The following PIWIL1 variants were observed in gnomAD, a reference collection of about 807,000 sequenced individuals.
The protein encoded by PIWIL1 is piwi like RNA-mediated gene silencing 1, also known as piwi-like protein 1.
A neutral mutation model predicts 114.4 loss-of-function variants in PIWIL1; 73 were observed. The ratio of observed to expected loss-of-function variants is 0.64; its 90% CI spans 0.53 to 0.78. The LOEUF (loss-of-function observed/expected upper bound fraction) is 0.78. PIWIL1 is among the 30% of genes least tolerant of loss of function. The pLI is 0.00. For missense variants in PIWIL1, 723 were observed against 1,063.1 expected (o/e 0.68, Z 4.45); for synonymous variants, 375 against 369.0 (o/e 1.02, Z -0.19).
chr12:130,357,336 A>G (rs950609481), intron 13 of PIWIL1, 145 bp from the exon 14 acceptor site: 1 of 687,874 alleles, frequency 1.5e-6, no homozygotes, highest in Non-Finnish European at 2.4e-6. Context: ...TGTATTAGAA[A>G]CAGCCCTTGG....
At chr12:130,370,572 C>G (rs2073791765) in intron 19 of PIWIL1, among the ~76,000 whole-genome samples, 2 of 152,150 alleles carry the variant, frequency 1.3e-5, no homozygotes, top group African/African-American at 4.8e-5. Flanking sequence ...GGTCCTGGAA[C>G]CAATTCCCAA....
the PIWIL1 span, among the ~76,000 whole-genome samples, chr12:130,422,805 G>A: frequency 1.3e-5 from 2 of 152,166 alleles, no homozygotes; most frequent in East Asian, 3.9e-4. The surrounding 1 kb of genome is among the most constrained non-coding windows in gnomAD (Gnocchi z 5.2). Context: ...TTGTGGGGGG[G>A]TCTCTTTTGG....
rs2073824063 is a variant in PIWIL1 at position 130,371,853 on chromosome 12, G to A, written c.*255G>A. ...ATTTTTTTGTTTATTTTGAAGAAAT[G>A]TGGATAAGATACTTGGTAGTATAAA... is the stretch of plus-strand genomic sequence containing the variant. On this transcript the variant is annotated 3_prime_UTR_variant, in exon 21 of 21. Transcript: ENST00000245255. 3.9e-6 allele frequency: 1 copy of A among 255,604 alleles called. No individual in the cohort carries two copies. The highest frequency in any genetic ancestry group is 7.4e-6 in the Non-Finnish European group (1 of 134,460). 15.8% of individuals were successfully genotyped at this position (255,604 alleles called of 1,614,324 possible).
intron 11 of PIWIL1, among the ~76,000 whole-genome samples, chr12:130,355,334 T>C (rs566910874): frequency 7.2e-4 from 110 of 152,320 alleles, no homozygotes; most frequent in Non-Finnish European, 1.4e-3. Context: ...GGGAGAAAGT[T>C]TGGGCATCAG....
At chr12:130,416,669 G>A in the PIWIL1 span, among the ~76,000 whole-genome samples, 1 of 152,252 alleles carries the variant, frequency 6.6e-6, no homozygotes, top group Non-Finnish European at 1.5e-5. Context: ...CCTTGGCAAA[G>A]AATTATGACT....
intron 7 of PIWIL1, among the ~76,000 whole-genome samples, chr12:130,348,796 G>A (rs1450690502): frequency 6.6e-6 from 1 of 152,140 alleles, no homozygotes; most frequent in Non-Finnish European, 1.5e-5. Flanking sequence ...AGCTACTCGG[G>A]AGGCTGAGGC....
intron 9 of PIWIL1, among the ~76,000 whole-genome samples, chr12:130,354,073 C>G (rs1233600613): frequency 2.6e-5 from 4 of 152,030 alleles, no homozygotes; most frequent in African/African-American, 7.2e-5. Context: ...AAAACTTTTT[C>G]TGATTAAACC....
rs2073557572 is a variant in PIWIL1, at chr12:130,363,028, G to T, written c.2079G>T (p.Met693Ile). Residue 693 changes from methionine to isoleucine, a missense_variant, in exon 18 of 21, where the codon ATG (methionine) becomes ATT (isoleucine). Transcript: ENST00000245255. ...LRAWNSCNEY[M>I]PSRIIVYRDG... ...CTTGGAATAGCTGCAATGAGTACAT[G>T]CCCAGCCGGATCATCGTGTACCGCG... 1 of 1,614,238 alleles carries T rather than the reference G, an allele frequency of 6.2e-7. No homozygotes were observed. The highest frequency in any genetic ancestry group is 8.5e-7 in the Non-Finnish European group (1 of 1,180,044).
chr12:130,352,481 C>G (rs1041347460), intron 9 of PIWIL1, among the ~76,000 whole-genome samples: 10 of 152,040 alleles, frequency 6.6e-5, no homozygotes, highest in Admixed American at 6.5e-4. Flanking sequence ...GAGTTTGAGA[C>G]CAGCCTGACC....
At chr12:130,422,020 T>A in the PIWIL1 span, among the ~76,000 whole-genome samples, 3 of 152,166 alleles carry the variant, frequency 2.0e-5, no homozygotes, top group African/African-American at 7.2e-5. The surrounding 1 kb of genome is among the most constrained non-coding windows in gnomAD (Gnocchi z 5.2). Context: ...CCCCCAGGAT[T>A]TAGCTCTGCT....
chr12:130,389,346 AGG>A, the PIWIL1 span, among the ~76,000 whole-genome samples: 6 of 152,014 alleles, frequency 3.9e-5, no homozygotes, highest in South Asian at 6.2e-4. Flanking sequence ...ATTTTTTGGA[AGG>A]GTTTATATAA....
the PIWIL1 span, among the ~76,000 whole-genome samples, chr12:130,392,880 G>A: frequency 0.012 from 76 of 6,284 alleles, no homozygotes; most frequent in East Asian, 0.016. Context: ...TACCTGGTGA[G>A]TATTGAATGT....
the PIWIL1 span, among the ~76,000 whole-genome samples, chr12:130,408,314 G>A: frequency 6.6e-6 from 1 of 152,186 alleles, no homozygotes; most frequent in African/African-American, 2.4e-5. Context: ...CAAAACTAAG[G>A]CACTGTCCTC....
the PIWIL1 span, among the ~76,000 whole-genome samples, chr12:130,391,244 A>C: frequency 6.6e-6 from 1 of 152,182 alleles, no homozygotes; most frequent in African/African-American, 2.4e-5. Flanking sequence ...CTGCCTTCTC[A>C]CCGTCTCCGC....
At chr12:130,412,966 G>A in the PIWIL1 span, among the ~76,000 whole-genome samples, 10 of 152,058 alleles carry the variant, frequency 6.6e-5, no homozygotes, top group African/African-American at 1.4e-4. Context: ...TGTAACCCTC[G>A]CTCTATGACT....
chr12:130,414,221 G>T, the PIWIL1 span: 1 of 1,614,218 alleles, frequency 6.2e-7, no homozygotes, highest in Non-Finnish European at 8.5e-7. Flanking sequence ...GAGCCACAAA[G>T]ATCCGGGCCG....
intron 9 of PIWIL1, among the ~76,000 whole-genome samples, 200 bp from the exon 10 acceptor site, chr12:130,354,337 C>T (rs2073302030): frequency 6.6e-6 from 1 of 152,102 alleles, no homozygotes; most frequent in Non-Finnish European, 1.5e-5. Context: ...AGATAGGGCA[C>T]TCAGTAGAGC....
intron 9 of PIWIL1, 26 bp from the exon 10 acceptor site, chr12:130,354,511 C>A (rs2073307878): frequency 5.0e-6 from 8 of 1,613,892 alleles, no homozygotes; most frequent in Non-Finnish European, 6.8e-6. Context: ...TTGCCGTGAA[C>A]AGCGACCCTT....
chr12:130,352,407 G>A (rs1043176201), intron 9 of PIWIL1, among the ~76,000 whole-genome samples: 12 of 152,176 alleles, frequency 7.9e-5, no homozygotes, highest in Admixed American at 2.0e-4. Context: ...GGCCAGGCAC[G>A]ATGGGTCATG....
Sources: gnomAD v4.1 joint callset for allele counts (sites outside exome capture counted in the v4.1 genomes callset) on GRCh38, gnomAD v4.1.1 for gene constraint, Gnocchi (gnomAD v3.1) non-coding constraint, MANE v1.5 for transcripts, NCBI Gene and HGNC (gene_info 2026-07-23, HGNC 2026-07-21) for gene names.